C1QTNF3: variants seen among roughly 807,000 people sequenced by gnomAD.
The protein encoded by C1QTNF3 is C1q and TNF related 3.
C1QTNF3 carries 26 observed loss-of-function variants against 32.6 expected under a neutral mutation model. The observed-to-expected ratio is 0.80, with a 90% CI of 0.58 to 1.11. C1QTNF3 has a LOEUF of 1.11. Among genes scored for constraint, C1QTNF3 ranks in the 50% least tolerant of loss-of-function variants. The pLI is 0.00. For synonymous variants in C1QTNF3, 155 were observed against 146.0 expected, an observed-to-expected ratio of 1.06 and a Z score of -0.44; for missense variants, 362 against 398.2, an observed-to-expected ratio of 0.91 and a Z score of 0.77.
chr5:34,075,681 A>G, the C1QTNF3 span, among the ~76,000 whole-genome samples: 3 of 151,634 alleles, frequency 2.0e-5, no homozygotes, highest in Non-Finnish European at 4.4e-5. Flanking sequence ...TGGAATGGAA[A>G]TATCTAAAAA....
the C1QTNF3 span, among the ~76,000 whole-genome samples, chr5:34,100,193 T>A: frequency 6.6e-6 from 1 of 152,146 alleles, no homozygotes; most frequent in African/African-American, 2.4e-5. Context: ...TGTATCTTCA[T>A]GTGGTAGAAG....
At chr5:34,210,317 G>A in the C1QTNF3 span, among the ~76,000 whole-genome samples, 42 of 152,096 alleles carry the variant, frequency 2.8e-4, no homozygotes, top group African/African-American at 8.4e-4. Context: ...CACATACTAC[G>A]TCATAGGCTT....
At chr5:34,235,550 T>A in the C1QTNF3 span, among the ~76,000 whole-genome samples, 7 of 147,734 alleles carry the variant, frequency 4.7e-5, 1 homozygote, top group African/African-American at 1.7e-4. Context: ...CTTTTTCTTT[T>A]TTTTTTTTTT....
At chr5:34,144,191 G>A in the C1QTNF3 span, among the ~76,000 whole-genome samples, 2 of 152,040 alleles carry the variant, frequency 1.3e-5, no homozygotes. Flanking sequence ...AATGATAAAG[G>A]ATACAATCCA....
At chr5:34,056,477 T>TAGAGAG in the C1QTNF3 span, among the ~76,000 whole-genome samples, 13 of 87,250 alleles carry the variant, frequency 1.5e-4, no homozygotes, top group East Asian at 1.1e-3. Context: ...TATATATATA[T>TAGAGAG]ATAGAGAGAG....
chr5:34,085,392 A>G, the C1QTNF3 span, among the ~76,000 whole-genome samples: 4 of 150,866 alleles, frequency 2.7e-5, no homozygotes, highest in East Asian at 7.7e-4. Flanking sequence ...AGTTTTCCCA[A>G]TACTATTTAT....
chr5:34,130,800 G>T, the C1QTNF3 span, among the ~76,000 whole-genome samples: 1 of 152,326 alleles, frequency 6.6e-6, no homozygotes, highest in Admixed American at 6.5e-5. Context: ...TACACACAAG[G>T]CCTCTCACGG....
chr5:34,235,412 T>C, the C1QTNF3 span, among the ~76,000 whole-genome samples: 18 of 152,206 alleles, frequency 1.2e-4, no homozygotes, highest in African/African-American at 3.6e-4. Flanking sequence ...GAGATACTAT[T>C]AATATCCTAC....
the C1QTNF3 span, among the ~76,000 whole-genome samples, chr5:34,108,696 C>A: frequency 6.7e-6 from 1 of 150,034 alleles, no homozygotes; most frequent in African/African-American, 2.5e-5. Context: ...CTTTGGCTAC[C>A]TCAAATTTGT....
the C1QTNF3 span, among the ~76,000 whole-genome samples, chr5:34,134,527 T>C: frequency 2.6e-5 from 4 of 152,254 alleles, no homozygotes; most frequent in East Asian, 5.8e-4. Flanking sequence ...AATAAAAAAT[T>C]TAAAATACTT....
At chr5:34,170,421 A>G in the C1QTNF3 span, among the ~76,000 whole-genome samples, 1 of 152,110 alleles carries the variant, frequency 6.6e-6, no homozygotes, top group South Asian at 2.1e-4. Flanking sequence ...TGGGTCTCAA[A>G]TTCAGTCTTC....
At chr5:34,031,393 C>A (rs1366667533) in intron 3 of C1QTNF3, among the ~76,000 whole-genome samples, 2 of 152,182 alleles carry the variant, frequency 1.3e-5, no homozygotes, top group African/African-American at 4.8e-5. Context: ...CCGTGGTTTA[C>A]CATTCATAGG....
chr5:34,029,036 C>A, intron 3 of C1QTNF3, 153 bp from the exon 4 acceptor site: 1 of 562,268 alleles, frequency 1.8e-6, no homozygotes, highest in Non-Finnish European at 3.0e-6. Flanking sequence ...ATGGTAATTC[C>A]AACATTTGAA....
the C1QTNF3 span, among the ~76,000 whole-genome samples, chr5:34,145,716 C>T: frequency 9.6e-4 from 145 of 150,928 alleles, no homozygotes; most frequent in Middle Eastern, 0.01. Flanking sequence ...CAAAACTTCC[C>T]GCCAGTATCC....
intron 2 of C1QTNF3, among the ~76,000 whole-genome samples, chr5:34,035,308 G>A (rs547036020): frequency 6.6e-6 from 1 of 152,342 alleles, no homozygotes; most frequent in African/African-American, 2.4e-5. Context: ...ACTGGAGGAA[G>A]AAGCACTTAG....
the C1QTNF3 span, among the ~76,000 whole-genome samples, chr5:34,069,019 C>A: frequency 6.7e-6 from 1 of 148,872 alleles, no homozygotes; most frequent in East Asian, 1.9e-4. Context: ...TGTACATCAA[C>A]AAACTCCATT....
chr5:34,099,296 C>T, the C1QTNF3 span, among the ~76,000 whole-genome samples: 4 of 152,102 alleles, frequency 2.6e-5, no homozygotes, highest in Middle Eastern at 3.2e-3. Flanking sequence ...CTTTAATGCT[C>T]ATCAACATAT....
the C1QTNF3 span, among the ~76,000 whole-genome samples, chr5:34,238,433 A>C: frequency 6.6e-6 from 1 of 152,216 alleles, no homozygotes; most frequent in Non-Finnish European, 1.5e-5. Flanking sequence ...ATTTTAAAAA[A>C]CAGCCACACT....
upstream of C1QTNF3, chr5:34,043,410 T>G (rs1037834996): frequency 2.4e-6 from 1 of 422,734 alleles, no homozygotes; most frequent in Non-Finnish European, 4.3e-6. Flanking sequence ...GGCACGTTTC[T>G]GTTGAAGTGT....
Sources: allele counts gnomAD v4.1 joint callset (sites outside exome capture counted in the v4.1 genomes callset), GRCh38; gene constraint gnomAD v4.1.1; transcripts MANE v1.5; gene names NCBI Gene and HGNC (gene_info 2026-07-23, HGNC 2026-07-21).